The following ERICH3 variants were observed in gnomAD, a reference collection of about 807,000 sequenced individuals.
The protein encoded by ERICH3 is glutamate rich 3.
In ERICH3, 126 loss-of-function variants were observed where a neutral mutation model predicts 131.1. The ratio of observed to expected loss-of-function variants is 0.96; its 90% CI spans 0.83 to 1.11. The LOEUF is 1.11. Among genes scored for constraint, ERICH3 ranks in the 50% most tolerant of loss-of-function variants. ERICH3 has a pLI of 0.00. For missense variants in ERICH3, 2,050 were observed against 1,810.7 expected, an observed-to-expected ratio of 1.13 and a Z score of -2.40; for synonymous variants, 695 against 644.6, an observed-to-expected ratio of 1.08 and a Z score of -1.18.
chr1:74,612,617 C>A lies in ERICH3; in HGVS notation c.1187+6G>T. 5.2e-6 allele frequency: 8 copies of A among 1,540,790 alleles called. No individual in the cohort carries two copies. Among genetic ancestry groups the A allele is most frequent in the African/African-American group, 1.4e-5 (1 of 73,768 alleles). On this transcript the variant is annotated splice_donor_region_variant and intron_variant, in intron 9 of 14. Coordinates refer to ENST00000326665, the MANE Select transcript of ERICH3 (RefSeq NM_001002912.5). ...GCCCTCTACCAAAGGACATTTGTTTCCATACTTGTAGCAAGGAGATGATCT... is the reference window on the plus strand; with the variant it reads ...GCCCTCTACCAAAGGACATTTGTTTACATACTTGTAGCAAGGAGATGATCT...
chr1:74,628,160 T>C (rs977609163), intron 7 of ERICH3, among the ~76,000 whole-genome samples: 1 of 152,178 alleles, frequency 6.6e-6, no homozygotes, highest in African/African-American at 2.4e-5. Context: ...ACACGAGCAA[T>C]TCATCTCTTT....
chr1:74,636,522 A>G (rs1646391193), intron 5 of ERICH3, 84 bp from the exon 6 acceptor site: 14 of 1,337,512 alleles, frequency 1.0e-5, no homozygotes, highest in South Asian at 7.6e-5. Flanking sequence ...TAAATTGCCT[A>G]GAGTAATTAA....
intron 7 of ERICH3, among the ~76,000 whole-genome samples, 199 bp downstream of exon 7, chr1:74,631,514 A>G (rs75934595): frequency 0.13 from 20,209 of 152,044 alleles, 1,609 homozygotes; most frequent in South Asian, 0.3. Context: ...ATTATTAATT[A>G]TGCTAAACTC....
Position 74,611,316 on chromosome 1 carries a change from T to G in ERICH3, c.1187+1307A>C, listed in dbSNP as rs562919952. Among the ~76,000 whole-genome samples the G allele has an allele frequency of 1.4e-4, 22 of 152,280 alleles. No individual in the cohort carries two copies. In the South Asian group the frequency reaches 4.1e-3, roughly 29 times the overall value. ...TCAAGACAAAAATTTTGAATCGTCT[T>G]TGGCTCTGCTCTTTATCTCATTCCC... On this transcript the variant is annotated intron_variant, in intron 9 of 14. Coordinates refer to ENST00000326665, the MANE Select transcript of ERICH3 (RefSeq NM_001002912.5).
rs553069942 is a variant in ERICH3 at position 74,656,949 on chromosome 1, G to C, written c.24-7634C>G. Among the ~76,000 whole-genome samples, 4 of 152,254 alleles carry C rather than the reference G, an allele frequency of 2.6e-5. No individual in the cohort carries two copies. In the South Asian group the frequency reaches 8.3e-4, roughly 32 times the overall value. Reference sequence around the variant, plus strand: ...CTTGTACACCCTCCTATAAGGTGTTGTATGGAGCTATGCACACAGTAAACT... The same window carrying C: ...CTTGTACACCCTCCTATAAGGTGTTCTATGGAGCTATGCACACAGTAAACT... On this transcript the variant is annotated intron_variant, in intron 1 of 14. Transcript: ENST00000326665.
chr1:74,646,251 T>A (rs374362456), intron 3 of ERICH3, among the ~76,000 whole-genome samples: 54 of 152,150 alleles, frequency 3.5e-4, no homozygotes, highest in African/African-American at 1.3e-3. Flanking sequence ...TTCATGGCAA[T>A]GGAATTACTG....
intron 12 of ERICH3, among the ~76,000 whole-genome samples, chr1:74,587,073 C>A (rs1421030574): frequency 6.6e-6 from 1 of 152,054 alleles, no homozygotes; most frequent in Non-Finnish European, 1.5e-5. Context: ...TGCCTGTAAT[C>A]CCAACACTTT....
intron 12 of ERICH3, chr1:74,579,782 T>G: frequency 1.0e-6 from 1 of 985,346 alleles, no homozygotes; most frequent in Non-Finnish European, 1.2e-6. Context: ...TATTTAGCCC[T>G]TCATCCCCTA....
At chr1:74,670,984 TG>T (rs369118328) in intron 1 of ERICH3, among the ~76,000 whole-genome samples, 1 of 150,440 alleles carries the variant, frequency 6.6e-6, no homozygotes, top group African/African-American at 2.5e-5. Context: ...ATATAAGCCC[TG>T]GTCTCCTGCA....
intron 8 of ERICH3, 132 bp downstream of exon 8, chr1:74,620,602 C>T (rs1276459526): frequency 4.3e-6 from 3 of 692,686 alleles, no homozygotes; most frequent in Non-Finnish European, 4.5e-6. Context: ...TACTTTTAGG[C>T]AGCTGGTTTA....
At chr1:74,628,024 C>A (rs1198905263) in intron 7 of ERICH3, among the ~76,000 whole-genome samples, 1 of 152,062 alleles carries the variant, frequency 6.6e-6, no homozygotes, top group Non-Finnish European at 1.5e-5. Flanking sequence ...ATCATAACTG[C>A]ATAAAATTAA....
intron 7 of ERICH3, chr1:74,622,685 CACTATATAAAT>C (rs1417836865): frequency 6.6e-6 from 1 of 152,134 alleles, no homozygotes; most frequent in Non-Finnish European, 1.5e-5. Context: ...AGGCGATAAG[CACTATATAAAT>C]ACTAGGTAAT....
In ERICH3 at chr1:74,645,373, GATAA is replaced by G. The variant is rs376621118; in HGVS notation, c.243+1290_243+1293del. ...TGTGAGATAAATGTGACAATTTAAA[GATAA>G]ATATTGTTTTTTTCTATTATGTTTA... On this transcript the variant is annotated intron_variant, in intron 3 of 14. Coordinates refer to ENST00000326665, the MANE Select transcript of ERICH3 (RefSeq NM_001002912.5). Among the ~76,000 whole-genome samples, 53 of 151,626 alleles carry G rather than the reference GATAA, an allele frequency of 3.5e-4. 1 individual carries two copies. In the South Asian group the frequency reaches 0.01, roughly 30 times the overall value.
At chr1:74,611,897 A>T (rs929535994) in intron 9 of ERICH3, among the ~76,000 whole-genome samples, 3 of 152,166 alleles carry the variant, frequency 2.0e-5, no homozygotes, top group African/African-American at 4.8e-5. Context: ...TCTCACATAT[A>T]TTAATTGCTT....
intron 12 of ERICH3, among the ~76,000 whole-genome samples, chr1:74,587,435 T>C (rs1453530988): frequency 6.6e-6 from 1 of 151,886 alleles, no homozygotes; most frequent in Non-Finnish European, 1.5e-5. Context: ...TTTAAAATTA[T>C]AGATGTTATC....
At chr1:74,632,508 A>T (rs1164740168) in intron 6 of ERICH3, among the ~76,000 whole-genome samples, 2 of 152,006 alleles carry the variant, frequency 1.3e-5, no homozygotes, top group Non-Finnish European at 2.9e-5. Flanking sequence ...AATCCTACAC[A>T]GATAACTATA....
intron 5 of ERICH3, 35 bp downstream of exon 5, chr1:74,641,296 G>A: frequency 6.2e-7 from 1 of 1,601,032 alleles, no homozygotes; most frequent in Non-Finnish European, 8.5e-7. Flanking sequence ...TAATTAGCTG[G>A]GATACTGCAT....
intron 11 of ERICH3, among the ~76,000 whole-genome samples, chr1:74,598,813 G>A (rs1416835557): frequency 6.6e-6 from 1 of 151,884 alleles, no homozygotes; most frequent in Non-Finnish European, 1.5e-5. Context: ...TGTTAGGAAT[G>A]TGAATTATAT....
intron 13 of ERICH3, among the ~76,000 whole-genome samples, chr1:74,575,602 T>C (rs757999444): frequency 6.6e-6 from 1 of 152,238 alleles, no homozygotes; most frequent in Non-Finnish European, 1.5e-5. Context: ...TTTAATAGTG[T>C]ATCTGTTGCT....
Sources: allele counts gnomAD v4.1 joint callset (sites outside exome capture counted in the v4.1 genomes callset), GRCh38; gene constraint gnomAD v4.1.1; transcripts MANE v1.5; gene names NCBI Gene and HGNC (gene_info 2026-07-23, HGNC 2026-07-21).